The following DLG2 variants were observed in gnomAD, a reference collection of about 807,000 sequenced individuals.
DLG2 encodes discs large MAGUK scaffold protein 2.
A neutral mutation model predicts 132.5 loss-of-function variants in DLG2; 45 were observed. That is an observed-to-expected ratio of 0.34 (90% confidence interval 0.27 to 0.44). DLG2 has a LOEUF of 0.44. DLG2 is among the 20% of genes least tolerant of loss of function. The probability of loss-of-function intolerance (pLI) is 1.00; values close to 1 mark genes in which losing one functional copy is unlikely to be tolerated. For synonymous variants in DLG2, 424 were observed against 419.6 expected, an observed-to-expected ratio of 1.01 and a Z score of -0.13; for missense variants, 1,045 against 1,196.9, an observed-to-expected ratio of 0.87 and a Z score of 1.87.
At chr11:85,533,622 C>A (rs1402523367) in intron 3 of DLG2, among the ~76,000 whole-genome samples, 1 of 151,872 alleles carries the variant, frequency 6.6e-6, no homozygotes, top group Non-Finnish European at 1.5e-5. Flanking sequence ...GTCCAGGTGT[C>A]CTTTTGTTAG....
intron 24 of DLG2, among the ~76,000 whole-genome samples, chr11:83,469,789 A>G (rs1300962966): frequency 6.6e-6 from 1 of 152,194 alleles, no homozygotes; most frequent in East Asian, 1.9e-4. Flanking sequence ...CTCTACACCC[A>G]TCTTCACAAA....
chr11:85,191,763 T>C (rs1449011670), intron 4 of DLG2, among the ~76,000 whole-genome samples: 2 of 152,164 alleles, frequency 1.3e-5, no homozygotes, highest in Non-Finnish European at 2.9e-5. Context: ...TATACTACCA[T>C]TGATGGGCAG....
At chr11:85,368,577 T>A (rs117952086) in intron 3 of DLG2, among the ~76,000 whole-genome samples, 5,296 of 152,342 alleles carry the variant, frequency 0.035, 143 homozygotes, top group Admixed American at 0.049. Flanking sequence ...ACTTTTTCTC[T>A]TGTCTTCTAG....
chr11:84,003,292 C>A (rs989959937), intron 11 of DLG2, among the ~76,000 whole-genome samples: 1 of 152,122 alleles, frequency 6.6e-6, no homozygotes, highest in Non-Finnish European at 1.5e-5. Flanking sequence ...TCTTCTGAGC[C>A]CTCAAAACTT....
intron 6 of DLG2, among the ~76,000 whole-genome samples, chr11:84,785,869 G>A (rs1217534437): frequency 6.6e-6 from 1 of 151,752 alleles, no homozygotes; most frequent in East Asian, 1.9e-4. Context: ...TGGTGGATAG[G>A]TTAATTGCTT....
intron 6 of DLG2, among the ~76,000 whole-genome samples, chr11:84,848,831 A>G (rs2081835033): frequency 6.6e-6 from 1 of 152,202 alleles, no homozygotes; most frequent in Admixed American, 6.6e-5. Context: ...GCTAGTCTTA[A>G]TGATGGTACT....
chr11:85,399,215 A>C (rs1179632944), intron 3 of DLG2, among the ~76,000 whole-genome samples: 1 of 152,104 alleles, frequency 6.6e-6, no homozygotes, highest in Admixed American at 6.6e-5. Context: ...TAGGAATCCA[A>C]CTTCCAGGGG....
intron 6 of DLG2, among the ~76,000 whole-genome samples, chr11:84,652,304 G>T (rs138849855): frequency 2.4e-4 from 36 of 152,184 alleles, no homozygotes; most frequent in African/African-American, 8.7e-4. Flanking sequence ...TAATAGTAGA[G>T]GAATGGAAGA....
intron 6 of DLG2, among the ~76,000 whole-genome samples, chr11:84,697,177 T>C (rs2058701870): frequency 6.6e-6 from 1 of 151,528 alleles, no homozygotes; most frequent in African/African-American, 2.4e-5. Flanking sequence ...TACCAAGGTT[T>C]TGTTTCAAAA....
At chr11:84,082,032 G>A (rs191857292) in intron 10 of DLG2, among the ~76,000 whole-genome samples, 100 of 152,200 alleles carry the variant, frequency 6.6e-4, no homozygotes, top group Non-Finnish European at 1.2e-3. Flanking sequence ...GTGTGAGATG[G>A]TATCTCACTG....
intron 7 of DLG2, among the ~76,000 whole-genome samples, chr11:84,295,790 T>C (rs1447388624): frequency 1.3e-5 from 2 of 152,184 alleles, no homozygotes; most frequent in Non-Finnish European, 2.9e-5. Context: ...GATCACTTGA[T>C]ATAATCTGCC....
intron 9 of DLG2, among the ~76,000 whole-genome samples, chr11:84,104,228 G>A (rs549412175): frequency 1.6e-4 from 25 of 152,214 alleles, no homozygotes; most frequent in Admixed American, 3.9e-4. Context: ...TATATACCAT[G>A]GAATACTACA....
At chr11:85,608,031 G>C (rs535357391) in intron 2 of DLG2, among the ~76,000 whole-genome samples, 38 of 152,290 alleles carry the variant, frequency 2.5e-4, no homozygotes, top group African/African-American at 8.7e-4. Context: ...AGGTTTTCGA[G>C]AATGCATCAG....
intron 4 of DLG2, among the ~76,000 whole-genome samples, chr11:85,254,963 C>T (rs992244374): frequency 1.3e-5 from 2 of 148,652 alleles, no homozygotes; most frequent in Non-Finnish European, 3.0e-5. Flanking sequence ...CACGCCACTG[C>T]ACTCCAGCCT....
rs188605485 is a variant in DLG2, at chr11:85,505,128, A to G, written c.40+93529T>C. On this transcript the variant is annotated intron_variant, in intron 3 of 27. Transcript: ENST00000376104. ...GGTTAAGGAGATTTTGGGCTGAGAC[A>G]ATGGGGTTTTCTAAATATACAATCA... 1.3e-3 allele frequency among the ~76,000 whole-genome samples: 197 copies of G among 152,212 alleles called. 2 individuals are homozygous for G. Among genetic ancestry groups the G allele is most frequent in the East Asian group, 7.7e-4 (4 of 5,174 alleles).
intron 15 of DLG2, among the ~76,000 whole-genome samples, chr11:83,885,964 G>A (rs1029749001): frequency 2.0e-4 from 30 of 152,184 alleles, no homozygotes; most frequent in African/African-American, 7.2e-4. Flanking sequence ...AACATGGAAA[G>A]GAACAACTGC....
chr11:83,759,760 C>T (rs1345818072), intron 18 of DLG2, among the ~76,000 whole-genome samples: 2 of 152,154 alleles, frequency 1.3e-5, no homozygotes, highest in Non-Finnish European at 2.9e-5. Flanking sequence ...AAAATTTATA[C>T]TAGTAGCTAA....
At chr11:83,795,441 A>ATATCTATATCTATCTATATC (rs10658664) in intron 17 of DLG2, among the ~76,000 whole-genome samples, 1 of 147,426 alleles carries the variant, frequency 6.8e-6, no homozygotes, top group Non-Finnish European at 1.5e-5. Context: ...ATCTATATCT[A>ATATCTATATCTATCTATATC]TATATCTATA....
chr11:85,187,508 A>AC (rs1409186715), intron 4 of DLG2, among the ~76,000 whole-genome samples: 2 of 152,188 alleles, frequency 1.3e-5, no homozygotes, highest in African/African-American at 2.4e-5. Context: ...TTAGAAAAAA[A>AC]AGGAAGTATA....
Sources: gnomAD v4.1 joint callset for allele counts (sites outside exome capture counted in the v4.1 genomes callset) on GRCh38, gnomAD v4.1.1 for gene constraint, MANE v1.5 for transcripts, NCBI Gene and HGNC (gene_info 2026-07-23, HGNC 2026-07-21) for gene names.